NSF: variants seen among roughly 807,000 people sequenced by gnomAD.
NSF encodes the protein vesicle-fusing ATPase.
A neutral mutation model predicts 50.3 loss-of-function variants in NSF; 14 were observed. That is an observed-to-expected ratio of 0.28 (90% CI 0.18 to 0.44). The LOEUF is 0.44. Ranked by LOEUF, NSF falls within the 20% of genes least tolerant of loss-of-function variation. The pLI, the probability that NSF is intolerant of heterozygous loss-of-function variation, is 1.00. For synonymous variants in NSF, 109 were observed against 175.7 expected, an observed-to-expected ratio of 0.62 and a Z score of 3.00; for missense variants, 218 against 504.3, an observed-to-expected ratio of 0.43 and a Z score of 5.44.
chr17:46,755,385 A>AT lies in NSF; in HGVS notation c.2213+19dup. ...AAGAAGGAGCGTAAGTACATACAAC[A>AT]TTTAATGACCATCAACCAAACTTAC... is the stretch of plus-strand genomic sequence containing the variant. On this transcript the variant is annotated intron_variant, in intron 20 of 20. Transcript: ENST00000398238. 2 of 1,606,594 alleles carry AT rather than the reference A, an allele frequency of 1.2e-6. No homozygotes were observed. Among genetic ancestry groups the AT allele is most frequent in the Non-Finnish European group, 1.7e-6 (2 of 1,173,098 alleles).
intron 9 of NSF, among the ~76,000 whole-genome samples, chr17:46,678,355 CAGTA>C (rs1371769501): frequency 4.7e-5 from 4 of 85,162 alleles, no homozygotes; most frequent in African/African-American, 1.4e-4. Flanking sequence ...CTGAGAAAAT[CAGTA>C]AGTAAAATTA....
intron 17 of NSF, 65 bp downstream of exon 17, chr17:46,728,999 A>G: frequency 1.0e-6 from 1 of 997,116 alleles, no homozygotes; most frequent in South Asian, 1.6e-5. Context: ...GCATATAATG[A>G]TACAATCTTT....
In NSF at chr17:46,605,526, A is replaced by G. The variant is rs1312867444; in HGVS notation, c.12+14739A>G. On this transcript the variant is annotated intron_variant, in intron 1 of 20. Coordinates refer to ENST00000398238, the MANE Select transcript of NSF (RefSeq NM_006178.4). ...TTGGCTGTCAGCTGTTTTCCTGTCT[A>G]TAATAATGAAAGCCATAAGACAGGG... is the stretch of plus-strand genomic sequence containing the variant. Among the ~76,000 whole-genome samples the G allele has an allele frequency of 3.6e-5, 5 of 140,768 alleles. No homozygotes were observed. The East Asian group carries it at 8.2e-4, about 23-fold the overall frequency. 92.3% of individuals were successfully genotyped at this position (140,768 alleles called of 152,430 possible). A position where few individuals can be genotyped will look rare whatever the true frequency, so the allele number is the denominator to read the frequency against.
intron 15 of NSF, chr17:46,721,800 T>G: frequency 1.2e-6 from 2 of 1,602,212 alleles, no homozygotes; most frequent in Non-Finnish European, 1.7e-6. Context: ...TGCACAGCTG[T>G]CAGAGTACGG....
At chr17:46,739,281 G>A (rs1051263926) in intron 17 of NSF, among the ~76,000 whole-genome samples, 1 of 142,484 alleles carries the variant, frequency 7.0e-6, no homozygotes, top group Non-Finnish European at 1.5e-5. Context: ...TGAGGCAGGA[G>A]AATCGCTTGA....
chr17:46,744,827 T>A (rs1649000179), intron 17 of NSF, among the ~76,000 whole-genome samples: 1 of 152,194 alleles, frequency 6.6e-6, no homozygotes, highest in African/African-American at 2.4e-5. Context: ...GAGCCCTGCC[T>A]TTTTCATGGA....
At chr17:46,729,688 A>T (rs2058929897) in intron 17 of NSF, among the ~76,000 whole-genome samples, 3 of 152,182 alleles carry the variant, frequency 2.0e-5, no homozygotes, top group Non-Finnish European at 4.4e-5. Flanking sequence ...TGACTTGAAA[A>T]GCATCTTAAT....
At chr17:46,622,566 T>G (rs112860751) in intron 1 of NSF, among the ~76,000 whole-genome samples, 21,758 of 144,318 alleles carry the variant, frequency 0.15, 2,052 homozygotes, top group Non-Finnish European at 0.21. Context: ...GCGGATTGCC[T>G]GAGCTCAGGA....
intron 18 of NSF, among the ~76,000 whole-genome samples, chr17:46,750,543 G>A (rs1159642040): frequency 6.6e-6 from 1 of 152,136 alleles, no homozygotes; most frequent in Non-Finnish European, 1.5e-5. Flanking sequence ...TCAGACTTTT[G>A]GATTAGGGAT....
chr17:46,756,046 T>C lies in NSF; in HGVS notation c.*223T>C. ...GTCAATTTGGTTTAGAATGCTGCGC[T>C]TACCTTCCCATGCAGGCTAAAGTGA... On this transcript the variant is annotated 3_prime_UTR_variant, in exon 21 of 21. Coordinates refer to ENST00000398238, the MANE Select transcript of NSF (RefSeq NM_006178.4). 2 of 523,744 alleles carry C rather than the reference T, an allele frequency of 3.8e-6. No individual in the cohort carries two copies. Among genetic ancestry groups the C allele is most frequent in the Admixed American group, 7.2e-5 (2 of 27,680 alleles). 32.4% of individuals were successfully genotyped at this position (523,744 alleles called of 1,614,324 possible).
chr17:46,733,007 C>T (rs2058965337), intron 17 of NSF, among the ~76,000 whole-genome samples: 1 of 152,186 alleles, frequency 6.6e-6, no homozygotes, highest in African/African-American at 2.4e-5. Context: ...TAACAATTGG[C>T]TTGGAGGGTA....
intron 17 of NSF, among the ~76,000 whole-genome samples, chr17:46,730,958 G>A (rs1422437044): frequency 1.8e-5 from 2 of 111,694 alleles, no homozygotes; most frequent in African/African-American, 2.9e-5. Flanking sequence ...TGTATGCACT[G>A]CTGGTAAGAA....
At chr17:46,741,898 T>C (rs1339285292) in intron 17 of NSF, among the ~76,000 whole-genome samples, 1 of 152,192 alleles carries the variant, frequency 6.6e-6, no homozygotes, top group Non-Finnish European at 1.5e-5. Flanking sequence ...CCTTAGTAGC[T>C]GGGATTACAG....
chr17:46,723,480 C>T (rs533092106), intron 15 of NSF, among the ~76,000 whole-genome samples: 1 of 152,304 alleles, frequency 6.6e-6, no homozygotes, highest in African/African-American at 2.4e-5. Flanking sequence ...CAACTCAAAG[C>T]CAAAAGGAAC....
At chr17:46,606,136 G>T in intron 1 of NSF, among the ~76,000 whole-genome samples, 1 of 32,154 alleles carries the variant, frequency 3.1e-5, no homozygotes, top group Non-Finnish European at 4.8e-5. Context: ...CCGAAATCAC[G>T]CCATTGCACT....
rs1395570816 is a variant in NSF at position 46,622,385 on chromosome 17, G to T, written c.13-1859G>T. On this transcript the variant is annotated intron_variant, in intron 1 of 20. Coordinates refer to ENST00000398238, the MANE Select transcript of NSF (RefSeq NM_006178.4). ...AGGCAGGAGAATGGCGTGAACCCGG[G>T]AGGCGGAGCTTGCAGTAAGCCGATA... Among the ~76,000 whole-genome samples, 4 of 150,574 alleles carry T rather than the reference G, an allele frequency of 2.7e-5. 1 individual carries two copies. In the East Asian group the frequency reaches 7.8e-4, roughly 29 times the overall value.
intron 17 of NSF, among the ~76,000 whole-genome samples, chr17:46,739,689 A>G (rs2059049407): frequency 6.6e-6 from 1 of 151,720 alleles, no homozygotes; most frequent in African/African-American, 2.4e-5. Flanking sequence ...TGAATATATT[A>G]CTATATTAAT....
intron 13 of NSF, among the ~76,000 whole-genome samples, chr17:46,709,206 T>G (rs868491258): frequency 2.0e-5 from 3 of 152,166 alleles, no homozygotes; most frequent in African/African-American, 7.2e-5. Flanking sequence ...TGTCTTTTTA[T>G]TACTATTGTG....
chr17:46,718,282 C>T (rs16941105), intron 15 of NSF, among the ~76,000 whole-genome samples: 5,764 of 152,238 alleles, frequency 0.038, 377 homozygotes, highest in African/African-American at 0.13. Context: ...CGAGGGCACC[C>T]TGCCATACTG....
Sources: allele counts gnomAD v4.1 joint callset (sites outside exome capture counted in the v4.1 genomes callset), GRCh38; gene constraint gnomAD v4.1.1; transcripts MANE v1.5; gene names NCBI Gene and HGNC (gene_info 2026-07-23, HGNC 2026-07-21).